ADGRG7: variants seen among roughly 807,000 people sequenced by gnomAD.
The protein encoded by ADGRG7 is G-protein coupled receptor 128.
Under a neutral mutation model 88.6 loss-of-function variants are expected in ADGRG7, and 82 were observed. That is an observed-to-expected ratio of 0.93 (90% CI 0.77 to 1.11). The LOEUF (loss-of-function observed/expected upper bound fraction) is 1.11, where lower values mean the gene tolerates loss of function less well. Among genes scored for constraint, ADGRG7 ranks in the 50% most tolerant of loss-of-function variants. The pLI is 0.00. For synonymous variants in ADGRG7, 381 were observed against 345.2 expected, an observed-to-expected ratio of 1.10 and a Z score of -1.15; for missense variants, 945 against 953.4, an observed-to-expected ratio of 0.99 and a Z score of 0.12.
chr3:100,655,110 A>G lies in ADGRG7; in HGVS notation c.1655A>G (p.Tyr552Cys), dbSNP rs1272176176. 9 of 1,614,028 alleles carry G rather than the reference A, an allele frequency of 5.6e-6. No individual in the cohort carries two copies. The highest frequency in any genetic ancestry group is 2.2e-5 in the South Asian group (2 of 91,074). ...TWNALSAAQLYYLLIRTMKPL... is the reference protein window; with the variant it reads ...TWNALSAAQLCYLLIRTMKPL... ...AACGCACTCAGCGCTGCACAGCTCT[A>G]TTACCTTCTAATAAGGACCATGAAG... Residue 552 changes from tyrosine (Y) to cysteine (C), a missense_variant, in exon 12 of 16, where the codon TAT (tyrosine) becomes TGT (cysteine). Physicochemically the swap from Tyr to Cys is radical, Grantham distance 194. Transcript: ENST00000273352.
intron 1 of ADGRG7, among the ~76,000 whole-genome samples, chr3:100,611,296 C>CTTTCTTCCTTCCTTCT (rs1559666883): frequency 2.4e-4 from 29 of 123,172 alleles, no homozygotes; most frequent in South Asian, 7.8e-4. Context: ...TCCTTCCTTC[C>CTTTCTTCCTTCCTTCT]TTCCTTTCTT....
rs2094954974 is a variant in ADGRG7, at chr3:100,669,018, C to G, written c.2049C>G (p.Thr683=). The change falls in exon 15 of 16, where the codon ACC becomes ACG. Residue 683 remains threonine (T), a synonymous_variant. Coordinates refer to ENST00000273352, the MANE Select transcript of ADGRG7 (RefSeq NM_032787.3). ...CTGTTGCAGTTGTTTTTGGAATTAC[C>G]TGGATTCTAGCATACCTGATGCTAG... ...TLSVAVVFGI[T]WILAYLMLVN... is the part of the protein sequence containing the mutation. The G allele has an allele frequency of 6.2e-7, 1 of 1,605,998 alleles. No individual in the cohort carries two copies. The highest frequency in any genetic ancestry group is 1.7e-5 in the Admixed American group (1 of 58,812).
rs773211354 is a variant in ADGRG7 at position 100,643,593 on chromosome 3, T to G, written c.906T>G (p.Asp302Glu). ...CAAATGTGGATGGCCTTAACCCAGATGCACAGACTGAGCTTCAGGTCTTGC... is the reference window on the plus strand; with the variant it reads ...CAAATGTGGATGGCCTTAACCCAGAGGCACAGACTGAGCTTCAGGTCTTGC... ...IHTNVDGLNPDAQTELQVLLN... is the reference protein window; with the variant it reads ...IHTNVDGLNPEAQTELQVLLN... The change falls in exon 8 of 16, where the codon GAT becomes GAG. Residue 302 changes from aspartate (D) to glutamate (E), a missense_variant. Asp to Glu is a conservative substitution (Grantham distance 45). Transcript: ENST00000273352. 10 of 1,613,850 alleles carry G rather than the reference T, an allele frequency of 6.2e-6. No individual in the cohort carries two copies. In the South Asian group the frequency reaches 6.6e-5, roughly 11 times the overall value.
chr3:100,635,680 A>G lies in ADGRG7; in HGVS notation c.451A>G (p.Lys151Glu), dbSNP rs1144122. ...TTTTTTCTGGTTTTTAAAACAGGTA[A>G]AGGATGTCACAGCACCACTTAATAA... ...ENLETLEKQV[K>E]DVTAPLNNIS... The change falls in exon 5 of 16, where the codon AAG (lysine) becomes GAG (glutamate). Residue 151 changes from lysine to glutamate, a missense_variant. Coordinates refer to ENST00000273352, the MANE Select transcript of ADGRG7 (RefSeq NM_032787.3). The G allele has an allele frequency of 0.31, 498,854 of 1,609,822 alleles. 83,691 individuals are homozygous for G. Among genetic ancestry groups the G allele is most frequent in the Non-Finnish European group, 0.35 (410,521 of 1,177,724 alleles).
intron 1 of ADGRG7, among the ~76,000 whole-genome samples, chr3:100,628,300 A>T (rs979726383): frequency 3.3e-5 from 5 of 151,838 alleles, no homozygotes; most frequent in African/African-American, 1.2e-4. Flanking sequence ...TACCATTGTT[A>T]TCTATGAGAG....
intron 8 of ADGRG7, among the ~76,000 whole-genome samples, chr3:100,645,029 T>A (rs1488735742): frequency 6.6e-6 from 1 of 152,234 alleles, no homozygotes; most frequent in East Asian, 1.9e-4. Flanking sequence ...TGTCGGGGCC[T>A]TGCCTGTCTC....
At chr3:100,611,007 A>G (rs143081208) in intron 1 of ADGRG7, among the ~76,000 whole-genome samples, 2 of 152,172 alleles carry the variant, frequency 1.3e-5, no homozygotes, top group Admixed American at 1.3e-4. Context: ...CACCGCCCTA[A>G]CCAGTATTTA....
intron 15 of ADGRG7, among the ~76,000 whole-genome samples, chr3:100,678,033 C>T (rs114678234): frequency 6.6e-5 from 10 of 152,244 alleles, no homozygotes; most frequent in African/African-American, 2.4e-4. Flanking sequence ...CTCTCTACCT[C>T]ATCTTTCAGG....
At position 100,660,854 on chromosome 3, in the gene ADGRG7, A is replaced by G. The variant is rs906131383; in HGVS notation, c.1979+1011A>G. Among the ~76,000 whole-genome samples the G allele has an allele frequency of 3.3e-5, 5 of 151,782 alleles. No homozygotes were observed. The South Asian group carries it at 1.0e-3, about 32-fold the overall frequency. On this transcript the variant is annotated intron_variant, in intron 14 of 15. Transcript: ENST00000273352. Reference sequence around the variant, plus strand: ...GTAATCCCAACTACTTGGGAGGCTGAGGCAGGAGAATCGCTTGAACCCAGG... The same window carrying G: ...GTAATCCCAACTACTTGGGAGGCTGGGGCAGGAGAATCGCTTGAACCCAGG...
chr3:100,655,321 G>A (rs2094936197), intron 12 of ADGRG7, 140 bp downstream of exon 12: 17 of 617,944 alleles, frequency 2.8e-5, no homozygotes, highest in Non-Finnish European at 3.8e-5. Flanking sequence ...CTAAGAATAC[G>A]TTCCGTCTAG....
At chr3:100,675,289 G>A (rs2094963622) in intron 15 of ADGRG7, among the ~76,000 whole-genome samples, 1 of 152,036 alleles carries the variant, frequency 6.6e-6, no homozygotes, top group Non-Finnish European at 1.5e-5. Flanking sequence ...CAGTTTTTAA[G>A]AGTTTTTACC....
chr3:100,695,074 C>A lies in ADGRG7; in HGVS notation c.*73C>A. ...TTTATCTGTTTCTCTCCTTTATTTC[C>A]CAGTCCTCTCAGAAAGTCTTCCTCA... On this transcript the variant is annotated 3_prime_UTR_variant, in exon 16 of 16. Coordinates refer to ENST00000273352, the MANE Select transcript of ADGRG7 (RefSeq NM_032787.3). 1 of 1,461,018 alleles carries A rather than the reference C, an allele frequency of 6.8e-7. No homozygotes were observed. Among genetic ancestry groups the A allele is most frequent in the Non-Finnish European group, 9.3e-7 (1 of 1,072,838 alleles). 90.5% of individuals were successfully genotyped at this position (1,461,018 alleles called of 1,614,324 possible).
chr3:100,689,206 CT>C (rs1286020254), intron 15 of ADGRG7, among the ~76,000 whole-genome samples: 1 of 151,964 alleles, frequency 6.6e-6, no homozygotes, highest in Non-Finnish European at 1.5e-5. Context: ...CAACCCCTGC[CT>C]TTTTTTGTTT....
intron 1 of ADGRG7, among the ~76,000 whole-genome samples, chr3:100,618,435 G>A (rs574293764): frequency 2.6e-5 from 4 of 152,140 alleles, no homozygotes; most frequent in East Asian, 1.9e-4. Flanking sequence ...TTCTACATTC[G>A]GCTAGCCAGT....
At chr3:100,613,528 C>T (rs1707184692) in intron 1 of ADGRG7, among the ~76,000 whole-genome samples, 1 of 114,708 alleles carries the variant, frequency 8.7e-6, no homozygotes, top group Non-Finnish European at 2.0e-5. Context: ...CACATAACCA[C>T]CCCCTAAATT....
intron 1 of ADGRG7, among the ~76,000 whole-genome samples, chr3:100,618,168 C>CCTGTTCA (rs1707252753): frequency 6.6e-6 from 1 of 152,094 alleles, no homozygotes; most frequent in African/African-American, 2.4e-5. Context: ...CTGTAGGTTG[C>CCTGTTCA]CTGTTCACTC....
At position 100,630,698 on chromosome 3, in the gene ADGRG7, A is replaced by G; in HGVS notation, c.230-7A>G. The G allele has an allele frequency of 3.0e-6, 4 of 1,326,874 alleles. No individual in the cohort carries two copies. The highest frequency in any genetic ancestry group is 4.0e-6 in the Non-Finnish European group (4 of 1,006,756). 82.2% of individuals were successfully genotyped at this position (1,326,874 alleles called of 1,614,324 possible). A position where few individuals can be genotyped will look rare whatever the true frequency, so the allele number is the denominator to read the frequency against. ...TTATAATAAAGAACTTTTTCTCTTT[A>G]TTACAGCTAATTTTTGTGAAAATAG... On this transcript the variant is annotated splice_polypyrimidine_tract_variant and splice_region_variant and intron_variant, in intron 2 of 15. Coordinates refer to ENST00000273352, the MANE Select transcript of ADGRG7 (RefSeq NM_032787.3).
At chr3:100,692,430 GGA>G (rs2094995512) in intron 15 of ADGRG7, among the ~76,000 whole-genome samples, 1 of 152,188 alleles carries the variant, frequency 6.6e-6, no homozygotes, top group Non-Finnish European at 1.5e-5. Flanking sequence ...AGGAATTTAG[GGA>G]GGAATCTGAA....
intron 1 of ADGRG7, among the ~76,000 whole-genome samples, chr3:100,622,196 A>G (rs1414730816): frequency 6.7e-6 from 1 of 149,848 alleles, no homozygotes; most frequent in East Asian, 2.0e-4. Context: ...ATAGTTTTGC[A>G]TTTTACGTTA....
Sources: gnomAD v4.1 joint callset for allele counts (sites outside exome capture counted in the v4.1 genomes callset) on GRCh38, gnomAD v4.1.1 for gene constraint, MANE v1.5 for transcripts, NCBI Gene and HGNC (gene_info 2026-07-23, HGNC 2026-07-21) for gene names.